The following CABIN1 variants were observed in gnomAD, a reference collection of about 807,000 sequenced individuals.
CABIN1 encodes calcineurin binding protein 1.
In CABIN1, 133 loss-of-function variants were observed where a neutral mutation model predicts 227.7. That is an observed-to-expected ratio of 0.58 (90% confidence interval 0.51 to 0.67). The LOEUF is 0.67. Ranked by LOEUF, CABIN1 falls within the 30% of genes least tolerant of loss-of-function variation. The pLI, the probability that CABIN1 is intolerant of heterozygous loss-of-function variation, is 0.00. For synonymous variants in CABIN1, 1,086 were observed against 1,155.1 expected (o/e 0.94, Z 1.21); for missense variants, 2,408 against 2,852.5 (o/e 0.84, Z 3.55).
chr22:24,049,771 A>G (rs533303197), intron 7 of CABIN1, among the ~76,000 whole-genome samples: 3 of 151,910 alleles, frequency 2.0e-5, no homozygotes, highest in Non-Finnish European at 4.4e-5. Flanking sequence ...GCGTGGTACC[A>G]TTGTGTGGCA....
chr22:24,120,171 G>A (rs2043324367), intron 28 of CABIN1, among the ~76,000 whole-genome samples: 1 of 152,154 alleles, frequency 6.6e-6, no homozygotes, highest in Non-Finnish European at 1.5e-5. Context: ...ATATTGCAGG[G>A]GCCTCCTCAC....
intron 23 of CABIN1, among the ~76,000 whole-genome samples, chr22:24,088,573 G>C (rs1267919307): frequency 6.6e-6 from 1 of 151,688 alleles, no homozygotes; most frequent in Non-Finnish European, 1.5e-5. Flanking sequence ...ATGCCATTGC[G>C]CTCCAGCCTG....
At chr22:24,016,115 G>T (rs1462347702) in intron 1 of CABIN1, among the ~76,000 whole-genome samples, 4 of 152,146 alleles carry the variant, frequency 2.6e-5, no homozygotes, top group Admixed American at 6.5e-5. Flanking sequence ...ACCCTTAAAA[G>T]AAACCCTGAT....
At chr22:24,141,623 A>T (rs1444104862) in intron 29 of CABIN1, among the ~76,000 whole-genome samples, 1 of 151,772 alleles carries the variant, frequency 6.6e-6, no homozygotes, top group Non-Finnish European at 1.5e-5. Flanking sequence ...AGAACCACAG[A>T]TGACTTTCAT....
In CABIN1 at chr22:24,171,917, C is replaced by G; in HGVS notation, c.5962C>G (p.Leu1988Val). 1 of 1,614,018 alleles carries G rather than the reference C, an allele frequency of 6.2e-7. No individual in the cohort carries two copies. ...CCCTCCGTCAGCATCAGCTTCCACC[C>G]TGGACCAGTCCAAGGACCCTGGGCC... The part of the protein sequence containing the change: ...TCPPSASAST[L>V]DQSKDPGPPR... The change falls in exon 34 of 37, where the codon CTG (leucine) becomes GTG (valine). Residue 1988 changes from leucine (L) to valine (V), a missense_variant. Coordinates refer to ENST00000263119, the MANE Select transcript of CABIN1 (RefSeq NM_012295.4).
chr22:24,062,845 A>C, intron 13 of CABIN1, 114 bp from the exon 14 acceptor site: 1 of 988,332 alleles, frequency 1.0e-6, no homozygotes. Context: ...TGAGGGGCTT[A>C]GGGTGCCCCT....
Position 24,176,145 on chromosome 22 carries a change from C to T in CABIN1, c.6075C>T (p.Thr2025=), listed in dbSNP as rs2047092316. The T allele has an allele frequency of 7.5e-6, 12 of 1,610,592 alleles. No individual in the cohort carries two copies. The highest frequency in any genetic ancestry group is 2.2e-5 in the East Asian group (1 of 44,798). The change falls in exon 35 of 37, where the codon ACC becomes ACT. Residue 2025 remains threonine, a synonymous_variant. Transcript: ENST00000263119. The part of the protein sequence containing the change: ...GEELARVAEG[T]SFPPQEPRHS... ...AGCTGGCGAGAGTGGCAGAGGGCAC[C>T]AGCTTCCCGCCTCAGGAGCCACGGC...
intron 33 of CABIN1, among the ~76,000 whole-genome samples, chr22:24,169,650 C>G (rs898526771): frequency 2.6e-5 from 4 of 152,200 alleles, no homozygotes; most frequent in Admixed American, 2.6e-4. Flanking sequence ...GGCCCCAGTG[C>G]TGGGCGCAGG....
Position 24,062,017 on chromosome 22 carries a change from G to C in CABIN1, c.1688G>C (p.Ser563Thr), listed in dbSNP as rs761270955. 6.2e-7 allele frequency: 1 copy of C among 1,613,554 alleles called. No individual in the cohort carries two copies. Among genetic ancestry groups the C allele is most frequent in the Non-Finnish European group, 8.5e-7 (1 of 1,179,626 alleles). ...LDQWLLTKGRSSAVSPRNCPA... is the reference protein window; with the variant it reads ...LDQWLLTKGRTSAVSPRNCPA... ...CAGTGGCTGCTGACCAAAGGCAGAA[G>C]CTCTGCAGGTAGGAGGCATTATGTG... Residue 563 changes from serine to threonine, a missense_variant, in exon 13 of 37, where the codon AGC becomes ACC. Ser to Thr is a moderately conservative substitution (Grantham distance 58). Coordinates refer to ENST00000263119, the MANE Select transcript of CABIN1 (RefSeq NM_012295.4).
chr22:24,050,582 ACT>A (rs1340134280), intron 7 of CABIN1, among the ~76,000 whole-genome samples: 1 of 151,992 alleles, frequency 6.6e-6, no homozygotes, highest in Non-Finnish European at 1.5e-5. Flanking sequence ...ACATATGAAA[ACT>A]CTTTCTCTGC....
chr22:24,116,151 A>G (rs986506095), intron 27 of CABIN1, among the ~76,000 whole-genome samples: 1 of 152,208 alleles, frequency 6.6e-6, no homozygotes, highest in Non-Finnish European at 1.5e-5. Context: ...TGACTGTTGC[A>G]GCTAGCGGAA....
At chr22:24,038,662 A>C (rs909678607) in intron 4 of CABIN1, among the ~76,000 whole-genome samples, 6 of 152,236 alleles carry the variant, frequency 3.9e-5, no homozygotes, top group African/African-American at 1.4e-4. Context: ...AATCCAGTGA[A>C]GCATGTAAAA....
At chr22:24,166,392 C>T (rs563666524) in intron 31 of CABIN1, among the ~76,000 whole-genome samples, 1 of 152,350 alleles carries the variant, frequency 6.6e-6, no homozygotes, top group African/African-American at 2.4e-5. Context: ...CCGTCAGCCC[C>T]TTGCTACCTG....
chr22:24,024,288 A>C (rs547253596), intron 1 of CABIN1, among the ~76,000 whole-genome samples: 96 of 152,266 alleles, frequency 6.3e-4, no homozygotes, highest in African/African-American at 2.2e-3. Flanking sequence ...TTTGCATAAA[A>C]GTTTTACATT....
At chr22:24,167,415 G>T in intron 32 of CABIN1, 102 bp downstream of exon 32, 1 of 1,145,726 alleles carries the variant, frequency 8.7e-7, no homozygotes, top group East Asian at 2.5e-5. Flanking sequence ...CCCTTGGGGC[G>T]GGTTTTAGGT....
chr22:24,076,766 C>T (rs1569176015), intron 19 of CABIN1, among the ~76,000 whole-genome samples: 2 of 152,180 alleles, frequency 1.3e-5, no homozygotes, highest in African/African-American at 2.4e-5. Context: ...ACATACACTT[C>T]CTTGCACTTG....
intron 26 of CABIN1, among the ~76,000 whole-genome samples, chr22:24,111,546 C>G (rs1443205825): frequency 6.6e-6 from 1 of 152,192 alleles, no homozygotes; most frequent in Admixed American, 6.5e-5. Context: ...CCCTCCAGCC[C>G]CCACAGTCTG....
intron 19 of CABIN1, among the ~76,000 whole-genome samples, chr22:24,082,562 G>A (rs2040878253): frequency 6.6e-6 from 1 of 152,070 alleles, no homozygotes; most frequent in Non-Finnish European, 1.5e-5. Context: ...CTAGTTTTTG[G>A]TCTTTGTACT....
intron 1 of CABIN1, among the ~76,000 whole-genome samples, chr22:24,016,485 A>G (rs1451774049): frequency 6.6e-6 from 1 of 152,230 alleles, no homozygotes; most frequent in East Asian, 1.9e-4. Context: ...ACTTCATTAC[A>G]TGAATGTACC....
Sources: gnomAD v4.1 joint callset for allele counts (sites outside exome capture counted in the v4.1 genomes callset) on GRCh38, gnomAD v4.1.1 for gene constraint, MANE v1.5 for transcripts, NCBI Gene and HGNC (gene_info 2026-07-23, HGNC 2026-07-21) for gene names.